COL23A1: variants seen among roughly 807,000 people sequenced by gnomAD.
COL23A1 encodes the protein collagen alpha-1(XXIII) chain.
Under a neutral mutation model 99.3 loss-of-function variants are expected in COL23A1, and 97 were observed. That is an observed-to-expected ratio of 0.98 (90% CI 0.83 to 1.16). COL23A1 has a LOEUF of 1.16. COL23A1 is among the 50% of genes most tolerant of loss of function. The probability of loss-of-function intolerance (pLI) is 0.00; values close to 1 mark genes in which losing one functional copy is unlikely to be tolerated. For synonymous variants in COL23A1, 320 were observed against 308.2 expected (o/e 1.04, Z -0.40); for missense variants, 762 against 757.4 (o/e 1.01, Z -0.07).
Position 178,387,479 on chromosome 5 carries a change from G to A in COL23A1, c.362-80560C>T, listed in dbSNP as rs1194225094. Among the ~76,000 whole-genome samples the A allele has an allele frequency of 6.6e-6, 1 of 152,094 alleles. No individual in the cohort carries two copies. Among genetic ancestry groups the A allele is most frequent in the Non-Finnish European group, 1.5e-5 (1 of 68,024 alleles). ...TCCTGCTGCCCTCCTGCAGCTCAGA[G>A]CACCCCTGCCCATGAGCTCTCCTGG... On this transcript the variant is annotated intron_variant, in intron 2 of 28. Coordinates refer to ENST00000390654, the MANE Select transcript of COL23A1 (RefSeq NM_173465.4). This position sits in a 1 kb window ranked among gnomAD's most constrained non-coding sequence, Gnocchi z 4.7.
At position 178,306,053 on chromosome 5, in the gene COL23A1, T is replaced by TG. The variant is rs1758335134; in HGVS notation, c.406+821dup. On this transcript the variant is annotated intron_variant, in intron 3 of 28. Coordinates refer to ENST00000390654, the MANE Select transcript of COL23A1 (RefSeq NM_173465.4). The surrounding 1 kb of genome is among the most constrained non-coding windows in gnomAD (Gnocchi z 4.1). Reference sequence around the variant, plus strand: ...GAGGACATGGTCAGTGTCACAGCAGTGGGAGACTGTGGGAGAGAGGAGAGG... The same window carrying TG: ...GAGGACATGGTCAGTGTCACAGCAGTGGGGAGACTGTGGGAGAGAGGAGAGG... Among the ~76,000 whole-genome samples, 1 of 150,004 alleles carries TG rather than the reference T, an allele frequency of 6.7e-6. No homozygotes were observed. Among genetic ancestry groups the TG allele is most frequent in the Non-Finnish European group, 1.5e-5 (1 of 67,436 alleles).
At chr5:178,386,767 A>C (rs1763698459) in intron 2 of COL23A1, among the ~76,000 whole-genome samples, 1 of 152,148 alleles carries the variant, frequency 6.6e-6, no homozygotes, top group African/African-American at 2.4e-5. Context: ...AGGAGCAGAA[A>C]GGACTGAACC....
At chr5:178,464,940 T>C (rs1337363796) in intron 2 of COL23A1, among the ~76,000 whole-genome samples, 1 of 152,146 alleles carries the variant, frequency 6.6e-6, no homozygotes, top group African/African-American at 2.4e-5. Flanking sequence ...TCAGTCTCCT[T>C]CCAGAATGCC....
chr5:178,435,680 G>GATCTGGTTT (rs1223034207), intron 2 of COL23A1, among the ~76,000 whole-genome samples: 1 of 152,114 alleles, frequency 6.6e-6, no homozygotes, highest in Non-Finnish European at 1.5e-5. Context: ...GGAGGGAGGT[G>GATCTGGTTT]ATCTGGTTTC....
At chr5:178,469,014 C>T (rs1223479501) in intron 2 of COL23A1, among the ~76,000 whole-genome samples, 2 of 152,210 alleles carry the variant, frequency 1.3e-5, no homozygotes, top group Admixed American at 1.3e-4. Flanking sequence ...GTTTGTCCTT[C>T]TGTGTGTGGC....
At chr5:178,336,954 C>T (rs1213842149) in intron 2 of COL23A1, among the ~76,000 whole-genome samples, 2 of 150,948 alleles carry the variant, frequency 1.3e-5, no homozygotes, top group African/African-American at 4.9e-5. Context: ...TATACCGAGG[C>T]GTGGGTTTGC....
intron 2 of COL23A1, among the ~76,000 whole-genome samples, chr5:178,525,610 G>A (rs1709750): frequency 5.4e-4 from 7 of 12,986 alleles, no homozygotes; most frequent in East Asian, 5.1e-3. Context: ...CGCAGACCCC[G>A]GGACCCGAAG....
intron 2 of COL23A1, among the ~76,000 whole-genome samples, chr5:178,504,670 C>A (rs1460356575): frequency 6.6e-6 from 1 of 152,156 alleles, no homozygotes; most frequent in Non-Finnish European, 1.5e-5. Context: ...GAAGCTGGTC[C>A]CCGCTGAGAG....
At chr5:178,318,628 G>A (rs116272213) in intron 2 of COL23A1, among the ~76,000 whole-genome samples, 13 of 152,236 alleles carry the variant, frequency 8.5e-5, no homozygotes, top group African/African-American at 2.9e-4. Flanking sequence ...TCGGCCGGGC[G>A]CGGTGGCTCA....
chr5:178,288,814 G>A (rs1210215787), intron 4 of COL23A1, among the ~76,000 whole-genome samples: 1 of 152,192 alleles, frequency 6.6e-6, no homozygotes, highest in Non-Finnish European at 1.5e-5. Flanking sequence ...GTTCACTGTG[G>A]CTGCATGCTT....
At chr5:178,419,067 A>G in intron 2 of COL23A1, among the ~76,000 whole-genome samples, 1 of 152,150 alleles carries the variant, frequency 6.6e-6, no homozygotes, top group East Asian at 1.9e-4. Context: ...CAGTTGCCCC[A>G]TCCTGTCTGC....
In COL23A1 at chr5:178,313,753, G is replaced by C. The variant is rs1758829550; in HGVS notation, c.362-6834C>G. ...TCTTCCCAGAACTTTGGGAGGAAGT[G>C]GGGTGAGATGGCCTGAATCCTCCCA... On this transcript the variant is annotated intron_variant, in intron 2 of 28. Transcript: ENST00000390654. The surrounding 1 kb of genome is among the most constrained non-coding windows in gnomAD (Gnocchi z 4.2). Among the ~76,000 whole-genome samples the C allele has an allele frequency of 6.6e-6, 1 of 152,100 alleles. No homozygotes were observed.
At chr5:178,479,883 T>G (rs78402643) in intron 2 of COL23A1, among the ~76,000 whole-genome samples, 2,966 of 152,262 alleles carry the variant, frequency 0.019, 116 homozygotes, top group African/African-American at 0.067. Context: ...ATAGAGTGAA[T>G]GAACTTACAC....
intron 2 of COL23A1, among the ~76,000 whole-genome samples, chr5:178,377,120 C>T (rs181030997): frequency 3.3e-5 from 5 of 152,212 alleles, no homozygotes; most frequent in Non-Finnish European, 4.4e-5. Flanking sequence ...GATGGGACTA[C>T]GCGGGCCACG....
At chr5:178,413,587 C>A (rs1389826478) in intron 2 of COL23A1, among the ~76,000 whole-genome samples, 1 of 152,164 alleles carries the variant, frequency 6.6e-6, no homozygotes, top group Non-Finnish European at 1.5e-5. Context: ...AACTTTAGTT[C>A]AATGGGAAAG....
At chr5:178,419,818 AAC>A (rs1765506849) in intron 2 of COL23A1, among the ~76,000 whole-genome samples, 1 of 152,224 alleles carries the variant, frequency 6.6e-6, no homozygotes, top group Non-Finnish European at 1.5e-5. Flanking sequence ...GCCATCCTTC[AAC>A]CACTCATAGA....
intron 4 of COL23A1, 57 bp downstream of exon 4, chr5:178,290,305 A>C: frequency 2.5e-6 from 4 of 1,612,940 alleles, no homozygotes; most frequent in Middle Eastern, 1.7e-4. Context: ...ATTGCAACAG[A>C]GAGAGAACCA....
At position 178,245,750 on chromosome 5, in the gene COL23A1, A is replaced by C. The variant is rs530469151; in HGVS notation, c.1440+192T>G. Among the ~76,000 whole-genome samples, 153 of 152,310 alleles carry C rather than the reference A, an allele frequency of 1.0e-3. 1 individual carries two copies. The highest frequency in any genetic ancestry group is 3.5e-3 in the South Asian group (17 of 4,828). On this transcript the variant is annotated intron_variant, in intron 25 of 28. Coordinates refer to ENST00000390654, the MANE Select transcript of COL23A1 (RefSeq NM_173465.4). Reference sequence around the variant, plus strand: ...TTATCCATCCATCAACAATCCATTCATCTATCCACAAAGGACCTACTCTGG... The same window carrying C: ...TTATCCATCCATCAACAATCCATTCCTCTATCCACAAAGGACCTACTCTGG...
intron 2 of COL23A1, among the ~76,000 whole-genome samples, chr5:178,321,196 C>T (rs921365019): frequency 3.3e-5 from 5 of 152,228 alleles, no homozygotes; most frequent in African/African-American, 1.2e-4. Flanking sequence ...TGAGCGGCAT[C>T]AAGCACAGTC....
Sources: gnomAD v4.1 joint callset for allele counts (sites outside exome capture counted in the v4.1 genomes callset) on GRCh38, gnomAD v4.1.1 for gene constraint, Gnocchi (gnomAD v3.1) non-coding constraint, MANE v1.5 for transcripts, NCBI Gene and HGNC (gene_info 2026-07-23, HGNC 2026-07-21) for gene names.